HDX: variants seen among roughly 807,000 people sequenced by gnomAD.
The protein encoded by HDX is highly divergent homeobox.
Under a neutral mutation model 45.2 loss-of-function variants are expected in HDX, and 19 were observed. The ratio of observed to expected loss-of-function variants is 0.42; its 90% CI spans 0.29 to 0.62. HDX has a LOEUF of 0.62. Ranked by LOEUF, HDX falls within the 20% of genes least tolerant of loss-of-function variation. The pLI, the probability that HDX is intolerant of heterozygous loss-of-function variation, is 0.20. For synonymous variants in HDX, 188 were observed against 172.8 expected, an observed-to-expected ratio of 1.09 and a Z score of -0.69; for missense variants, 532 against 493.9, an observed-to-expected ratio of 1.08 and a Z score of -0.73.
At position 84,402,588 on chromosome X, in the gene HDX, CGTG is replaced by C. The variant is rs944594857; in HGVS notation, c.1305+37941_1305+37943del. 3.6e-5 allele frequency among the ~76,000 whole-genome samples: 4 copies of C among 111,361 alleles called. No homozygotes were observed. In the Admixed American group the frequency reaches 3.9e-4, roughly 11 times the overall value. On this transcript the variant is annotated intron_variant, in intron 5 of 10. Transcript: ENST00000373177. ...TGCCCATTTGCCTATTGAAAGACAT[CGTG>C]GTTGTTTCCATCTCCTGTTTTTTTT...
chrX:84,417,212 A>AGAAAG (rs751932979), intron 5 of HDX, among the ~76,000 whole-genome samples: 1 of 54,289 alleles, frequency 1.8e-5, no homozygotes, highest in African/African-American at 6.1e-5. Flanking sequence ...AGAAAGAAAA[A>AGAAAG]AAAGAGAGAA....
intron 5 of HDX, among the ~76,000 whole-genome samples, chrX:84,426,541 G>A (rs959575248): frequency 9.0e-6 from 1 of 110,578 alleles, no homozygotes; most frequent in African/African-American, 3.3e-5. Context: ...GTAAAATAAG[G>A]GCTGACACAG....
intron 6 of HDX, among the ~76,000 whole-genome samples, chrX:84,345,473 T>C (rs759181248): frequency 3.6e-5 from 4 of 111,762 alleles, no homozygotes; most frequent in Non-Finnish European, 7.6e-5. Context: ...AGCCCATTCG[T>C]TTTTATTGCT....
intron 4 of HDX, among the ~76,000 whole-genome samples, chrX:84,459,625 C>G (rs2040194003): frequency 9.2e-6 from 1 of 108,330 alleles, no homozygotes; most frequent in African/African-American, 3.4e-5. Context: ...ACTAAAGATG[C>G]ATTTCAGAGA....
In HDX at chrX:84,360,492, G is replaced by A. The variant is rs759150676; in HGVS notation, c.1452+974C>T. 5.4e-5 allele frequency among the ~76,000 whole-genome samples: 6 copies of A among 111,307 alleles called. No individual in the cohort carries two copies. In the South Asian group the frequency reaches 2.2e-3, roughly 42 times the overall value. On this transcript the variant is annotated intron_variant, in intron 6 of 10. Transcript: ENST00000373177. ...ATGTTTTCAACATATTCACAGTGCT[G>A]TGCACCAGTCACCACTAACTAATCT... is the stretch of plus-strand genomic sequence containing the variant.
At chrX:84,460,069 A>G (rs1262718379) in intron 4 of HDX, among the ~76,000 whole-genome samples, 2 of 111,488 alleles carry the variant, frequency 1.8e-5, no homozygotes, top group Non-Finnish European at 3.8e-5. Context: ...AAAGAAAAGC[A>G]AGGGACCTTA....
chrX:84,328,966 G>A (rs1017535845), intron 9 of HDX, among the ~76,000 whole-genome samples: 5 of 111,984 alleles, frequency 4.5e-5, no homozygotes, highest in African/African-American at 1.6e-4. Context: ...GTTCAGAAAG[G>A]GGGGACAACT....
chrX:84,486,539 T>C (rs1043821984), intron 2 of HDX, among the ~76,000 whole-genome samples: 1 of 111,896 alleles, frequency 8.9e-6, no homozygotes, highest in Non-Finnish European at 1.9e-5. Context: ...AGAATAGATC[T>C]GTTTGCAAAA....
intron 6 of HDX, among the ~76,000 whole-genome samples, chrX:84,354,751 CAT>C (rs1025202211): frequency 4.6e-5 from 5 of 107,845 alleles, no homozygotes; most frequent in African/African-American, 1.7e-4. Flanking sequence ...GGAAGGGAAA[CAT>C]AAAGATTCTC....
intron 1 of HDX, among the ~76,000 whole-genome samples, chrX:84,495,113 C>T (rs551510610): frequency 6.4e-5 from 7 of 108,862 alleles, no homozygotes; most frequent in African/African-American, 2.0e-4. Flanking sequence ...AAATACTGCG[C>T]GATCTCACAT....
chrX:84,397,707 T>C (rs768094094), intron 5 of HDX, among the ~76,000 whole-genome samples: 11 of 112,058 alleles, frequency 9.8e-5, no homozygotes, highest in Non-Finnish European at 2.1e-4. Flanking sequence ...ACCTACTGGC[T>C]ATTTAGCTTC....
chrX:84,444,731 C>T (rs1315998536), intron 4 of HDX, among the ~76,000 whole-genome samples: 2 of 111,533 alleles, frequency 1.8e-5, no homozygotes, highest in African/African-American at 6.5e-5. Context: ...ACTGGAGTCA[C>T]ATCAAATGTA....
intron 1 of HDX, among the ~76,000 whole-genome samples, chrX:84,497,825 C>T (rs1740099219): frequency 9.0e-6 from 1 of 110,752 alleles, no homozygotes; most frequent in Admixed American, 9.6e-5. Context: ...GGTAGCTTAA[C>T]AGTTGAGCAT....
intron 5 of HDX, among the ~76,000 whole-genome samples, chrX:84,391,121 A>T (rs1184859873): frequency 9.0e-6 from 1 of 111,364 alleles, no homozygotes; most frequent in Non-Finnish European, 1.9e-5. Context: ...TCCCATCCAC[A>T]CTATTCCCAG....
chrX:84,383,273 T>C (rs868320803), intron 5 of HDX, among the ~76,000 whole-genome samples: 9 of 111,059 alleles, frequency 8.1e-5, no homozygotes, highest in Non-Finnish European at 1.1e-4. Context: ...GAAAAGACTA[T>C]TCCTAGGTAA....
At position 84,436,889 on chromosome X, in the gene HDX, T is replaced by G. The variant is rs183467087; in HGVS notation, c.1305+3643A>C. On this transcript the variant is annotated intron_variant, in intron 5 of 10. Coordinates refer to ENST00000373177, the MANE Select transcript of HDX (RefSeq NM_001177479.2). ...ATGCATTGCGTGTTTTTGTTGTTGT[T>G]GTTGTTAATTTTCTTTCTAGATGAT... Among the ~76,000 whole-genome samples, 7 of 110,622 alleles carry G rather than the reference T, an allele frequency of 6.3e-5. No homozygotes were observed. In the East Asian group the frequency reaches 2.0e-3, roughly 32 times the overall value.
At chrX:84,438,563 A>G (rs192013207) in intron 5 of HDX, among the ~76,000 whole-genome samples, 1 of 102,607 alleles carries the variant, frequency 9.7e-6, no homozygotes, top group Admixed American at 1.1e-4. Context: ...ACATCTAGTG[A>G]GCCCCAGTGT....
At chrX:84,494,454 T>C (rs183385791) in intron 1 of HDX, among the ~76,000 whole-genome samples, 1 of 111,905 alleles carries the variant, frequency 8.9e-6, no homozygotes, top group Non-Finnish European at 1.9e-5. Context: ...ATGAGGGAAG[T>C]ACATACACAA....
chrX:84,419,891 C>T (rs1312999897), intron 5 of HDX, among the ~76,000 whole-genome samples: 3 of 111,916 alleles, frequency 2.7e-5, no homozygotes, highest in Non-Finnish European at 5.6e-5. Context: ...CCAGAGGATT[C>T]TCCCAGACCT....
Sources: allele counts gnomAD v4.1 joint callset (sites outside exome capture counted in the v4.1 genomes callset), GRCh38; gene constraint gnomAD v4.1.1; transcripts MANE v1.5; gene names NCBI Gene and HGNC (gene_info 2026-07-23, HGNC 2026-07-21).